Variants in CCDC33 observed in about 807,000 individuals in gnomAD.
CCDC33 encodes the protein coiled-coil domain containing 33, also known as coiled-coil domain-containing protein 33.
A neutral mutation model predicts 91.9 loss-of-function variants in CCDC33; 94 were observed. The observed-to-expected ratio is 1.02, with a 90% CI of 0.87 to 1.21. The LOEUF is 1.21. Among genes scored for constraint, CCDC33 ranks in the 50% most tolerant of loss-of-function variants. The pLI, the probability that CCDC33 is intolerant of heterozygous loss-of-function variation, is 0.00. For synonymous variants in CCDC33, 396 were observed against 374.5 expected (o/e 1.06, Z -0.66); for missense variants, 940 against 935.5 (o/e 1.00, Z -0.06).
rs760696230 is a variant in CCDC33, at chr15:74,330,635, T to G, written c.1457-28T>G. ...TTTGAGCTGGGAGAGGCTTCCTCCC[T>G]GAGCCAGCTCCCCAACCCACCTAAC... On this transcript the variant is annotated intron_variant, in intron 12 of 18. Transcript: ENST00000398814. 7.6e-6 allele frequency: 12 copies of G among 1,583,446 alleles called. No individual in the cohort carries two copies. The African/African-American group carries it at 1.5e-4, about 20-fold the overall frequency.
intron 7 of CCDC33, among the ~76,000 whole-genome samples, chr15:74,278,370 T>C (rs1405364850): frequency 6.6e-6 from 1 of 152,260 alleles, no homozygotes; most frequent in Non-Finnish European, 1.5e-5. Context: ...CAATGACTGA[T>C]TCCTGTGGGG....
At chr15:74,310,906 C>G (rs577975016) in intron 11 of CCDC33, among the ~76,000 whole-genome samples, 1 of 152,332 alleles carries the variant, frequency 6.6e-6, no homozygotes, top group Admixed American at 6.5e-5. Context: ...AAGCTGAACA[C>G]AGGGATTACT....
intron 2 of CCDC33, among the ~76,000 whole-genome samples, chr15:74,220,774 G>C (rs150066219): frequency 2.3e-4 from 35 of 152,268 alleles, no homozygotes; most frequent in Middle Eastern, 6.8e-3. Flanking sequence ...GGGGGAGAGT[G>C]GGGGGAGAGT....
In CCDC33 at chr15:74,237,267, C is replaced by T. The variant is rs139690434; in HGVS notation, c.21+527C>T. 7.2e-3 allele frequency among the ~76,000 whole-genome samples: 1,097 copies of T among 152,368 alleles called. 11 individuals are homozygous for T. The highest frequency in any genetic ancestry group is 0.023 in the African/African-American group (961 of 41,582). On this transcript the variant is annotated intron_variant, in intron 1 of 18. Transcript: ENST00000398814. ...CCAGCACTCAGAACAGTGCCTGGCA[C>T]ATAGTGGGTGCTTAATAAAAAGCTG...
chr15:74,240,188 C>T (rs778688869), intron 1 of CCDC33, among the ~76,000 whole-genome samples: 4 of 152,240 alleles, frequency 2.6e-5, no homozygotes, highest in Non-Finnish European at 5.9e-5. Context: ...CACAATAGTT[C>T]TCGCCAAACT....
chr15:74,223,905 C>T (rs2074700757), intron 2 of CCDC33, among the ~76,000 whole-genome samples: 1 of 152,204 alleles, frequency 6.6e-6, no homozygotes, highest in South Asian at 2.1e-4. Flanking sequence ...CATGGGGGCT[C>T]CCCCTTGAGT....
rs2060469108 is a variant in CCDC33, at chr15:74,332,833, A to G, written c.1926A>G (p.Gln642=). The change falls in exon 16 of 19, where the codon CAA becomes CAG. Residue 642 remains glutamine (Q), a synonymous_variant. Coordinates refer to ENST00000398814, the MANE Select transcript of CCDC33 (RefSeq NM_025055.5). ...RHQQAPIILQ[Q]QALPDLLSGT... ...AGCAGGCCCCCATCATTCTGCAGCA[A>G]CAGGCCCTGCCGGTAAGAGGCCCTT... The G allele has an allele frequency of 6.2e-7, 1 of 1,614,042 alleles. No homozygotes were observed.
intron 2 of CCDC33, among the ~76,000 whole-genome samples, chr15:74,258,837 G>A (rs1210856078): frequency 6.6e-6 from 1 of 152,104 alleles, no homozygotes; most frequent in Non-Finnish European, 1.5e-5. Flanking sequence ...TCATGACCTT[G>A]CAGAAGGAAA....
At chr15:74,317,142 G>A (rs545182468) in intron 11 of CCDC33, among the ~76,000 whole-genome samples, 1 of 152,248 alleles carries the variant, frequency 6.6e-6, no homozygotes, top group Admixed American at 6.5e-5. Context: ...GGTGGATCAC[G>A]AGGTCAGGAG....
chr15:74,254,826 C>T (rs1259301789), intron 2 of CCDC33, among the ~76,000 whole-genome samples: 1 of 149,914 alleles, frequency 6.7e-6, no homozygotes. Context: ...CGGCTCACTG[C>T]AACCTCCACC....
chr15:74,330,739 T>A lies in CCDC33; in HGVS notation c.1533T>A (p.Asn511Lys), dbSNP rs1457827582. Residue 511 changes from asparagine (N) to lysine (K), a missense_variant, in exon 13 of 19, where the codon AAT (asparagine) becomes AAA (lysine). By Grantham distance (94) the Asn-to-Lys change is moderately conservative (BLOSUM62 0). Transcript: ENST00000398814. ...KLRDRVQHLQ[N>K]ELIRKNDREK... ...GGGACAGGGTGCAGCATTTGCAGAATGAGCTGATTCGAGTGAGCTGGGGCT... is the reference window on the plus strand; with the variant it reads ...GGGACAGGGTGCAGCATTTGCAGAAAGAGCTGATTCGAGTGAGCTGGGGCT... 6.2e-7 allele frequency: 1 copy of A among 1,612,788 alleles called. No individual in the cohort carries two copies. The highest frequency in any genetic ancestry group is 1.7e-5 in the Admixed American group (1 of 59,960).
In CCDC33 at chr15:74,330,665, TC is replaced by T. The variant is rs2060412550; in HGVS notation, c.1461del (p.Met488Ter). 1.2e-6 allele frequency: 2 copies of T among 1,612,696 alleles called. No individual in the cohort carries two copies. The highest frequency in any genetic ancestry group is 2.2e-5 in the South Asian group (2 of 91,064). On this transcript the variant is annotated frameshift_variant, in exon 13 of 19. Coordinates refer to ENST00000398814, the MANE Select transcript of CCDC33 (RefSeq NM_025055.5). LOFTEE classifies it high-confidence loss of function. ...GKASEAQNTV[S>X]MKQKLLLSEL... The stretch of plus-strand genomic sequence containing the variant: ...CAGCTCCCCAACCCACCTAACAGTG[TC>T]CATGAAGCAGAAACTGCTGCTGAGT...
chr15:74,214,138 C>G (rs62003661), upstream of CCDC33, among the ~76,000 whole-genome samples: 1 of 148,932 alleles, frequency 6.7e-6, no homozygotes, highest in Admixed American at 6.7e-5. Flanking sequence ...GGTGTGTCAG[C>G]GGGGGAGGTT....
exon 1 of CCDC33, chr15:74,217,505 T>A: frequency 7.8e-7 from 1 of 1,288,838 alleles, no homozygotes; most frequent in Non-Finnish European, 1.0e-6. Flanking sequence ...CTGCTATCAC[T>A]GATGTCATTG....
intron 2 of CCDC33, among the ~76,000 whole-genome samples, chr15:74,257,656 C>T (rs940554794): frequency 2.0e-5 from 3 of 152,254 alleles, no homozygotes; most frequent in Non-Finnish European, 4.4e-5. Context: ...CTGCATCAGC[C>T]AAACAGCCCC....
intron 11 of CCDC33, among the ~76,000 whole-genome samples, chr15:74,305,543 C>T (rs769053263): frequency 2.0e-5 from 3 of 152,158 alleles, no homozygotes; most frequent in Non-Finnish European, 4.4e-5. Flanking sequence ...AGTACTCAAA[C>T]CCCAAGGATG....
chr15:74,206,578 C>G (rs1034236509), intron 1 of CCDC33, among the ~76,000 whole-genome samples: 1 of 152,174 alleles, frequency 6.6e-6, no homozygotes, highest in African/African-American at 2.4e-5. Flanking sequence ...CCAGGAAGGC[C>G]CAGCCCTGCC....
At chr15:74,297,452 G>C (rs2059710541) in intron 11 of CCDC33, among the ~76,000 whole-genome samples, 1 of 152,170 alleles carries the variant, frequency 6.6e-6, no homozygotes, top group Non-Finnish European at 1.5e-5. Flanking sequence ...CACTACTTGG[G>C]CAGGCCGAGG....
chr15:74,254,274 G>A (rs919461833), intron 2 of CCDC33, among the ~76,000 whole-genome samples: 14 of 152,050 alleles, frequency 9.2e-5, no homozygotes, highest in Middle Eastern at 3.2e-3. Context: ...TTCATGATCT[G>A]CCCGCCTCAG....
Sources: gnomAD v4.1 joint callset for allele counts (sites outside exome capture counted in the v4.1 genomes callset) on GRCh38, gnomAD v4.1.1 for gene constraint, MANE v1.5 for transcripts, NCBI Gene and HGNC (gene_info 2026-07-23, HGNC 2026-07-21) for gene names.